The following PAPOLG variants were observed in gnomAD, a reference collection of about 807,000 sequenced individuals.
The protein encoded by PAPOLG is PAP-gamma.
A neutral mutation model predicts 99.0 loss-of-function variants in PAPOLG; 40 were observed. That is an observed-to-expected ratio of 0.40 (90% CI 0.31 to 0.53). The LOEUF is 0.53. PAPOLG is among the 20% of genes least tolerant of loss of function. PAPOLG has a pLI of 0.41. For synonymous variants in PAPOLG, 310 were observed against 299.3 expected (o/e 1.04, Z -0.37); for missense variants, 675 against 884.1 (o/e 0.76, Z 3.00).
At chr2:60,794,891 T>G in intron 20 of PAPOLG, 73 bp from the exon 21 acceptor site, 2 of 1,587,104 alleles carry the variant, frequency 1.3e-6, no homozygotes, top group Non-Finnish European at 1.7e-6. Flanking sequence ...TCGTTAGGTT[T>G]TATTTTAAGT....
chr2:60,795,917 A>C (rs544354847), intron 21 of PAPOLG, among the ~76,000 whole-genome samples: 25 of 152,260 alleles, frequency 1.6e-4, no homozygotes, highest in Admixed American at 1.3e-3. Context: ...TTGAAGTACA[A>C]AAGAGTGAAA....
chr2:60,786,821 T>C (rs2103812574), intron 13 of PAPOLG, 126 bp from the exon 14 acceptor site: 4 of 1,158,150 alleles, frequency 3.5e-6, no homozygotes, highest in Non-Finnish European at 4.8e-6. Context: ...TGAGCCACCA[T>C]GCCCAGCCCG....
chr2:60,781,859 C>G (rs750030012), intron 10 of PAPOLG, 26 bp from the exon 11 acceptor site: 2 of 1,612,972 alleles, frequency 1.2e-6, no homozygotes, highest in Admixed American at 1.7e-5. Context: ...GAGAATAGAT[C>G]AGTTATTCTG....
intron 1 of PAPOLG, among the ~76,000 whole-genome samples, chr2:60,757,028 C>T (rs1235078400): frequency 1.3e-5 from 2 of 152,138 alleles, no homozygotes; most frequent in African/African-American, 4.8e-5. Context: ...CAACATCTAC[C>T]GGTCTGTACC....
chr2:60,775,963 C>G (rs1671004207), intron 8 of PAPOLG, among the ~76,000 whole-genome samples: 1 of 152,118 alleles, frequency 6.6e-6, no homozygotes, highest in African/African-American at 2.4e-5. Flanking sequence ...CGGGGTTTCA[C>G]CATGTTTGTC....
chr2:60,786,936 GTTTA>G lies in PAPOLG; in HGVS notation c.1167-7_1167-4del. The G allele has an allele frequency of 6.2e-7, 1 of 1,600,572 alleles. No individual in the cohort carries two copies. Among genetic ancestry groups the G allele is most frequent in the Non-Finnish European group, 8.5e-7 (1 of 1,175,762 alleles). ...GGACATAAGATAAATTGTGTTTGTT[GTTTA>G]TTTTAGGGTTGGATTAGTAGAATCT... On this transcript the variant is annotated splice_region_variant and splice_polypyrimidine_tract_variant and intron_variant, in intron 13 of 21. Transcript: ENST00000238714.
At chr2:60,772,446 CAAAAA>C (rs35297734) in intron 7 of PAPOLG, among the ~76,000 whole-genome samples, 2 of 84,130 alleles carry the variant, frequency 2.4e-5, no homozygotes, top group South Asian at 4.7e-4. Flanking sequence ...GACCCTGTCT[CAAAAA>C]AAAAAAAAAA....
intron 9 of PAPOLG, among the ~76,000 whole-genome samples, chr2:60,780,277 CTTTTTTT>C (rs530213712): frequency 7.4e-6 from 1 of 136,042 alleles, no homozygotes; most frequent in Non-Finnish European, 1.6e-5. Flanking sequence ...CTTACCTAGC[CTTTTTTT>C]TTTTTTTTTT....
chr2:60,779,556 C>A, intron 8 of PAPOLG, 81 bp from the exon 9 acceptor site: 3 of 1,416,072 alleles, frequency 2.1e-6, no homozygotes, highest in Non-Finnish European at 2.9e-6. Flanking sequence ...GATATTCATT[C>A]ACCTTGTAAA....
rs1003857491 is a variant in PAPOLG, at chr2:60,798,389, A to C, written c.*1229A>C. The C allele has an allele frequency of 6.5e-6, 1 of 152,782 alleles. No homozygotes were observed. The highest frequency in any genetic ancestry group is 2.4e-5 in the African/African-American group (1 of 41,458). The allele number at this position is 152,782 out of a possible 1,614,324, so 9.5% of individuals were successfully genotyped here. On this transcript the variant is annotated 3_prime_UTR_variant, in exon 22 of 22. Coordinates refer to ENST00000238714, the MANE Select transcript of PAPOLG (RefSeq NM_022894.4). ...AATATGTTGATTCAGTGTTTTGTAA[A>C]TGAAGTCGTATGTATTTTCAGAGTA...
At chr2:60,765,573 A>G (rs1279749738) in intron 3 of PAPOLG, among the ~76,000 whole-genome samples, 3 of 152,126 alleles carry the variant, frequency 2.0e-5, no homozygotes, top group African/African-American at 7.2e-5. Flanking sequence ...TTTGGAAAGT[A>G]ACTGAAGGAT....
At chr2:60,784,230 C>T (rs1671290215) in intron 13 of PAPOLG, among the ~76,000 whole-genome samples, 1 of 152,214 alleles carries the variant, frequency 6.6e-6, no homozygotes, top group South Asian at 2.1e-4. Context: ...CTTGGCCTCC[C>T]AAAGTGCTGG....
intron 8 of PAPOLG, among the ~76,000 whole-genome samples, chr2:60,778,955 G>GCTA (rs1671108529): frequency 6.6e-6 from 1 of 152,080 alleles, no homozygotes; most frequent in Non-Finnish European, 1.5e-5. Context: ...AACCATGGTG[G>GCTA]TGCACCCCTG....
At chr2:60,787,771 G>A in intron 15 of PAPOLG, 151 bp downstream of exon 15, 1 of 1,094,570 alleles carries the variant, frequency 9.1e-7, no homozygotes, top group Non-Finnish European at 1.3e-6. Context: ...CAGGAAAGGA[G>A]CCGGGTGCGG....
chr2:60,797,356 A>G lies in PAPOLG; in HGVS notation c.*196A>G, dbSNP rs1671743023. 3.2e-6 allele frequency: 2 copies of G among 621,850 alleles called. No individual in the cohort carries two copies. 38.5% of individuals were successfully genotyped at this position (621,850 alleles called of 1,614,324 possible). On this transcript the variant is annotated 3_prime_UTR_variant, in exon 22 of 22. Coordinates refer to ENST00000238714, the MANE Select transcript of PAPOLG (RefSeq NM_022894.4). Reference sequence around the variant, plus strand: ...CTGTAGCATTCTCTCACTGATTGCTACATACACTTCTCTGAGGATCACCTG... The same window carrying G: ...CTGTAGCATTCTCTCACTGATTGCTGCATACACTTCTCTGAGGATCACCTG...
chr2:60,801,180 T>A lies in PAPOLG; in HGVS notation c.*4020T>A, dbSNP rs1309843595. ...GTTGAGTTCTGTAGCATGAAAACTC[T>A]CTTGCTCCTCCATGTTTGTAGTTCA... On this transcript the variant is annotated 3_prime_UTR_variant, in exon 22 of 22. Coordinates refer to ENST00000238714, the MANE Select transcript of PAPOLG (RefSeq NM_022894.4). 1 of 152,264 alleles carries A rather than the reference T, an allele frequency of 6.6e-6. No individual in the cohort carries two copies. Among genetic ancestry groups the A allele is most frequent in the East Asian group, 1.9e-4 (1 of 5,326 alleles). The allele number at this position is 152,264 out of a possible 1,614,324, so 9.4% of individuals were successfully genotyped here.
At chr2:60,780,072 A>G (rs1256631066) in intron 9 of PAPOLG, among the ~76,000 whole-genome samples, 4 of 152,236 alleles carry the variant, frequency 2.6e-5, no homozygotes, top group Non-Finnish European at 2.9e-5. Context: ...TGGAGATGAT[A>G]ATCACATTGA....
chr2:60,769,990 A>G (rs757776416), intron 5 of PAPOLG, among the ~76,000 whole-genome samples: 96 of 149,666 alleles, frequency 6.4e-4, no homozygotes, highest in African/African-American at 1.7e-3. Flanking sequence ...TCATTGTTCA[A>G]CTCTTACTTA....
At position 60,766,280 on chromosome 2, in the gene PAPOLG, G is replaced by GA. The variant is rs568759987; in HGVS notation, c.247-2182dup. ...AATTGTAATGGCAGAAAGCACAGAG[G>GA]AAAAAAAAGCTTGTTAGGGAGTAAG... On this transcript the variant is annotated intron_variant, in intron 3 of 21. Coordinates refer to ENST00000238714, the MANE Select transcript of PAPOLG (RefSeq NM_022894.4). 3.2e-4 allele frequency among the ~76,000 whole-genome samples: 49 copies of GA among 151,974 alleles called. No individual in the cohort carries two copies. In the South Asian group the frequency reaches 0.01, roughly 32 times the overall value.
Sources: allele counts gnomAD v4.1 joint callset (sites outside exome capture counted in the v4.1 genomes callset), GRCh38; gene constraint gnomAD v4.1.1; transcripts MANE v1.5; gene names NCBI Gene and HGNC (gene_info 2026-07-23, HGNC 2026-07-21).